The following CCDC88C variants were observed in gnomAD, a reference collection of about 807,000 sequenced individuals.
CCDC88C encodes the protein coiled-coil and HOOK domain protein 88C.
In CCDC88C, 131 loss-of-function variants were observed where a neutral mutation model predicts 198.8. The ratio of observed to expected loss-of-function variants is 0.66; its 90% CI spans 0.57 to 0.76. The LOEUF (loss-of-function observed/expected upper bound fraction) is 0.76, where lower values mean the gene tolerates loss of function less well. CCDC88C is among the 30% of genes least tolerant of loss of function. The probability of loss-of-function intolerance (pLI) is 0.00; values close to 1 mark genes in which losing one functional copy is unlikely to be tolerated. For missense variants in CCDC88C, 2,553 were observed against 2,631.6 expected (o/e 0.97, Z 0.65); for synonymous variants, 1,166 against 1,114.7 (o/e 1.05, Z -0.92).
chr14:91,374,991 G>GT (rs1884306711), intron 3 of CCDC88C, among the ~76,000 whole-genome samples: 1 of 152,218 alleles, frequency 6.6e-6, no homozygotes, highest in Non-Finnish European at 1.5e-5. Context: ...ACTGTAACAC[G>GT]TATGTGGTAT....
At chr14:91,333,079 A>AAG (rs547653000) in intron 10 of CCDC88C, among the ~76,000 whole-genome samples, 1 of 152,224 alleles carries the variant, frequency 6.6e-6, no homozygotes, top group Non-Finnish European at 1.5e-5. Flanking sequence ...AAGAAGTATA[A>AAG]AGAGAGAGAC....
At chr14:91,285,795 T>C (rs1364590713) in intron 25 of CCDC88C, 2 of 1,288,996 alleles carry the variant, frequency 1.6e-6, no homozygotes, top group African/African-American at 1.5e-5. Flanking sequence ...TCTTTGTCCT[T>C]GTTTTTGCTT....
rs774584774 is a variant in CCDC88C, at chr14:91,303,891, C to T, written c.3445G>A (p.Glu1149Lys). Residue 1149 changes from glutamate (E) to lysine (K), a missense_variant, in exon 20 of 30, where the codon GAG (glutamate) becomes AAG (lysine). Glu to Lys is a moderately conservative substitution (Grantham distance 56). Coordinates refer to ENST00000389857, the MANE Select transcript of CCDC88C (RefSeq NM_001080414.4). Reference protein sequence around the residue: ...LQNHHTAKETENESLQRQQEQ... With the variant: ...LQNHHTAKETKNESLQRQQEQ... ...TGCTGCCTCTGCAGGCTTTCGTTCT[C>T]CGTCTCCTTGGCCGTGTGGTGGTTC... The T allele has an allele frequency of 1.4e-5, 23 of 1,612,902 alleles. No homozygotes were observed. Among genetic ancestry groups the T allele is most frequent in the Non-Finnish European group, 1.9e-5 (22 of 1,179,890 alleles).
At chr14:91,407,083 GCCCC>G (rs150767119) in intron 3 of CCDC88C, among the ~76,000 whole-genome samples, 1 of 151,642 alleles carries the variant, frequency 6.6e-6, no homozygotes, top group African/African-American at 2.4e-5. Flanking sequence ...AACTACGCCA[GCCCC>G]CCCCACCCAA....
At chr14:91,396,535 GCTAA>G (rs1327666418) in intron 3 of CCDC88C, among the ~76,000 whole-genome samples, 2 of 152,236 alleles carry the variant, frequency 1.3e-5, no homozygotes, top group Non-Finnish European at 1.5e-5. Flanking sequence ...CTGAACGAGA[GCTAA>G]CTAAGAATGA....
In CCDC88C at chr14:91,297,291, G is replaced by A. The variant is rs1173857260; in HGVS notation, c.3966+14C>T. The stretch of plus-strand genomic sequence containing the variant: ...CATCCCTGTCTCCCGAGGCTCCCCT[G>A]GCGCTGGCCTCACCTCACAGTGGTT... On this transcript the variant is annotated intron_variant, in intron 22 of 29. Coordinates refer to ENST00000389857, the MANE Select transcript of CCDC88C (RefSeq NM_001080414.4). 6.2e-7 allele frequency: 1 copy of A among 1,609,762 alleles called. No homozygotes were observed. The highest frequency in any genetic ancestry group is 8.5e-7 in the Non-Finnish European group (1 of 1,177,876).
chr14:91,411,955 T>C (rs1326131960), intron 2 of CCDC88C, among the ~76,000 whole-genome samples: 14 of 137,758 alleles, frequency 1.0e-4, no homozygotes, highest in African/African-American at 3.8e-4. Flanking sequence ...AGAGTGAGAC[T>C]CCATCTCAAA....
intron 3 of CCDC88C, among the ~76,000 whole-genome samples, chr14:91,369,982 G>A (rs1894716682): frequency 6.6e-6 from 1 of 152,208 alleles, no homozygotes; most frequent in Non-Finnish European, 1.5e-5. Context: ...CTGTCCTTGT[G>A]GCTGCATTCA....
chr14:91,273,587 T>C lies in CCDC88C; in HGVS notation c.5125A>G (p.Ile1709Val), dbSNP rs1415273390. ...GCAGGTGGTCCTGGTTGGCCTCCGATGGCTGGGGGATCGCTGGCCTTTCGG... is the reference window on the plus strand; with the variant it reads ...GCAGGTGGTCCTGGTTGGCCTCCGACGGCTGGGGGATCGCTGGCCTTTCGG... ...YFRKASDPPA[I>V]GGQPGPPAKK... Residue 1709 changes from isoleucine to valine, a missense_variant, in exon 30 of 30, where the codon ATC (isoleucine) becomes GTC (valine). Coordinates refer to ENST00000389857, the MANE Select transcript of CCDC88C (RefSeq NM_001080414.4). The surrounding 1 kb of genome is among the most constrained non-coding windows in gnomAD (Gnocchi z 5.6). 6.7e-7 allele frequency: 1 copy of C among 1,494,812 alleles called. No individual in the cohort carries two copies. The highest frequency in any genetic ancestry group is 8.9e-7 in the Non-Finnish European group (1 of 1,121,140). 92.6% of individuals were successfully genotyped at this position (1,494,812 alleles called of 1,614,324 possible). A position where few individuals can be genotyped will look rare whatever the true frequency, so the allele number is the denominator to read the frequency against.
At chr14:91,362,094 C>A (rs1379490194) in intron 3 of CCDC88C, among the ~76,000 whole-genome samples, 1 of 152,030 alleles carries the variant, frequency 6.6e-6, no homozygotes, top group Non-Finnish European at 1.5e-5. Context: ...ATTAGCCAGG[C>A]CTGGTGACGC....
At chr14:91,379,996 C>T (rs1161800551) in intron 3 of CCDC88C, 1 of 658,890 alleles carries the variant, frequency 1.5e-6, no homozygotes, top group African/African-American at 2.0e-5. Flanking sequence ...TGCGCGAGCC[C>T]ACCGTGAGAA....
At chr14:91,297,160 C>T (rs1469981321) in intron 22 of CCDC88C, 145 bp downstream of exon 22, 6 of 826,814 alleles carry the variant, frequency 7.3e-6, no homozygotes, top group Admixed American at 5.2e-5. Context: ...CCTCTGGCTT[C>T]ACCGCAGCCT....
intron 27 of CCDC88C, 150 bp from the exon 28 acceptor site, chr14:91,279,456 C>T (rs45507592): frequency 1.8e-4 from 109 of 613,194 alleles, no homozygotes; most frequent in African/African-American, 1.5e-3. Context: ...ACTCCCTCTG[C>T]GCTCCAGTGA....
Position 91,272,240 on chromosome 14 carries a change from T to G in CCDC88C, c.*385A>C. On this transcript the variant is annotated 3_prime_UTR_variant, in exon 30 of 30. Transcript: ENST00000389857. Reference sequence around the variant, plus strand: ...GCCAGGCCTGAGCCTCGTAAGCCTGTTGTGTGAGTGTGTGTGTGCTTAACG... The same window carrying G: ...GCCAGGCCTGAGCCTCGTAAGCCTGGTGTGTGAGTGTGTGTGTGCTTAACG... 1 of 178,064 alleles carries G rather than the reference T, an allele frequency of 5.6e-6. No individual in the cohort carries two copies. The highest frequency in any genetic ancestry group is 1.2e-5 in the Non-Finnish European group (1 of 84,084). 11.0% of individuals were successfully genotyped at this position (178,064 alleles called of 1,614,324 possible).
Position 91,313,546 on chromosome 14 carries a change from A to G in CCDC88C, c.2270T>C (p.Leu757Pro). 3 of 1,610,594 alleles carry G rather than the reference A, an allele frequency of 1.9e-6. No individual in the cohort carries two copies. Among genetic ancestry groups the G allele is most frequent in the Non-Finnish European group, 2.5e-6 (3 of 1,179,880 alleles). ...LKALGKKSER[L>P]ELSYQSVSAE... ...GCTCACGCTCTGGTAGCTGAGCTCC[A>G]GGCGCTCTGACTTCTTGCCCAGCGC... The change falls in exon 15 of 30, where the codon CTG (leucine) becomes CCG (proline). Residue 757 changes from leucine to proline, a missense_variant. Leu to Pro is a moderately conservative substitution (Grantham distance 98). This residue lies in a region of CCDC88C where 1,260 missense variants were observed against 1,412.0 expected (regional missense o/e 0.89). Transcript: ENST00000389857. This position sits in a 1 kb window ranked among gnomAD's most constrained non-coding sequence, Gnocchi z 5.2.
At chr14:91,373,546 T>TGG (rs1894929007) in intron 3 of CCDC88C, among the ~76,000 whole-genome samples, 2 of 152,136 alleles carry the variant, frequency 1.3e-5, no homozygotes, top group Non-Finnish European at 2.9e-5. Context: ...GAGCAGACAT[T>TGG]TCATGCAAAC....
At chr14:91,402,482 G>A (rs759972519) in intron 3 of CCDC88C, among the ~76,000 whole-genome samples, 36 of 152,296 alleles carry the variant, frequency 2.4e-4, no homozygotes, top group Admixed American at 1.2e-3. Flanking sequence ...TGGAAGTCTC[G>A]AAGAAAGATC....
rs1893128253 is a variant in CCDC88C at position 91,338,027 on chromosome 14, T to C, written c.1028A>G (p.Asp343Gly). The C allele has an allele frequency of 6.2e-7, 1 of 1,612,618 alleles. No homozygotes were observed. The highest frequency in any genetic ancestry group is 1.3e-5 in the African/African-American group (1 of 74,934). The stretch of plus-strand genomic sequence containing the variant: ...TACCTCCATGCGGGCCTTGTAGAAG[T>C]CCACGTCGTGCAGCTTCTCCTTGCA... ...TRCKEKLHDV[D>G]FYKARMEELR... The change falls in exon 10 of 30, where the codon GAC (aspartate) becomes GGC (glycine). Residue 343 changes from aspartate (D) to glycine (G), a missense_variant. This residue lies in a region of CCDC88C where 1,260 missense variants were observed against 1,412.0 expected (regional missense o/e 0.89). Transcript: ENST00000389857. The surrounding 1 kb of genome is among the most constrained non-coding windows in gnomAD (Gnocchi z 4.8).
chr14:91,303,555 C>T (rs1328845253), intron 20 of CCDC88C, 146 bp downstream of exon 20: 2 of 633,518 alleles, frequency 3.2e-6, no homozygotes, highest in Non-Finnish European at 4.9e-6. Context: ...TCCCACCCAT[C>T]TCCTCCAGGC....
Sources: allele counts gnomAD v4.1 joint callset (sites outside exome capture counted in the v4.1 genomes callset), GRCh38; gene constraint gnomAD v4.1.1; regional missense constraint gnomAD v4.1.1; non-coding constraint Gnocchi (gnomAD v3.1); transcripts MANE v1.5; gene names NCBI Gene and HGNC (gene_info 2026-07-23, HGNC 2026-07-21).